The following VPS13A variants were observed in gnomAD, a reference collection of about 807,000 sequenced individuals.
VPS13A encodes the protein intermembrane lipid transfer protein VPS13A.
VPS13A carries 264 observed loss-of-function variants against 390.9 expected under a neutral mutation model. That is an observed-to-expected ratio of 0.68 (90% confidence interval 0.61 to 0.75). The LOEUF (loss-of-function observed/expected upper bound fraction) is 0.75. Among genes scored for constraint, VPS13A ranks in the 30% least tolerant of loss-of-function variants. VPS13A has a pLI of 0.00. For missense variants in VPS13A, 3,409 were observed against 3,733.9 expected (o/e 0.91, Z 2.27); for synonymous variants, 1,231 against 1,227.1 (o/e 1.00, Z -0.07).
intron 1 of VPS13A, among the ~76,000 whole-genome samples, chr9:77,189,355 T>C (rs970637973): frequency 6.6e-6 from 1 of 152,178 alleles, no homozygotes; most frequent in Admixed American, 6.6e-5. Context: ...ACACCATTTA[T>C]TGAATAGGGA....
At chr9:77,285,363 A>G (rs898252955) in intron 31 of VPS13A, among the ~76,000 whole-genome samples, 1 of 152,176 alleles carries the variant, frequency 6.6e-6, no homozygotes, top group African/African-American at 2.4e-5. Flanking sequence ...TCTGTCTTGG[A>G]GCAGCATCCT....
chr9:77,393,073 C>A (rs890666809), intron 68 of VPS13A, among the ~76,000 whole-genome samples: 14 of 152,194 alleles, frequency 9.2e-5, no homozygotes, highest in African/African-American at 3.4e-4. Context: ...CCTCTCAAAC[C>A]CTACTGCTGC....
chr9:77,351,447 G>T lies in VPS13A; in HGVS notation c.7419+1G>T. The T allele has an allele frequency of 1.2e-6, 2 of 1,612,878 alleles. No individual in the cohort carries two copies. Among genetic ancestry groups the T allele is most frequent in the Non-Finnish European group, 1.7e-6 (2 of 1,179,162 alleles). On this transcript the variant is annotated splice_donor_variant, in intron 53 of 71. Transcript: ENST00000360280. LOFTEE classifies it high-confidence loss of function. ...CCATGGTGAAGTAACACAGAAGGAT[G>T]TAAGTATTGGGTTATTATGGTGTTC...
intron 22 of VPS13A, among the ~76,000 whole-genome samples, chr9:77,254,913 C>T (rs780538638): frequency 1.8e-4 from 28 of 152,066 alleles, no homozygotes; most frequent in Non-Finnish European, 2.4e-4. Context: ...TAAGATTTTC[C>T]ACATATAAGA....
chr9:77,180,541 T>G (rs1434095172), intron 1 of VPS13A, among the ~76,000 whole-genome samples: 1 of 152,228 alleles, frequency 6.6e-6, no homozygotes, highest in South Asian at 2.1e-4. Context: ...AAAGATGTTC[T>G]CCTGTGTTTT....
intron 53 of VPS13A, among the ~76,000 whole-genome samples, chr9:77,352,176 C>CATT (rs1831510709): frequency 6.6e-6 from 1 of 152,210 alleles, no homozygotes; most frequent in Non-Finnish European, 1.5e-5. Context: ...TAAGGATCCA[C>CATT]TGAGTGAACT....
At chr9:77,336,177 G>A (rs143484902) in intron 46 of VPS13A, among the ~76,000 whole-genome samples, 1,566 of 152,134 alleles carry the variant, frequency 0.01, 13 homozygotes, top group Non-Finnish European at 0.017. Context: ...CACAGGGAGG[G>A]GAACATCACT....
At chr9:77,380,445 G>A (rs955242623) in intron 67 of VPS13A, among the ~76,000 whole-genome samples, 1 of 151,760 alleles carries the variant, frequency 6.6e-6, no homozygotes, top group Admixed American at 6.6e-5. Flanking sequence ...CCCAAGTACT[G>A]GGACTACATG....
intron 53 of VPS13A, among the ~76,000 whole-genome samples, chr9:77,351,819 A>G (rs926611067): frequency 1.3e-5 from 2 of 152,176 alleles, no homozygotes; most frequent in South Asian, 2.1e-4. Context: ...CAGTGAGCCA[A>G]GATCACGCCA....
intron 33 of VPS13A, among the ~76,000 whole-genome samples, chr9:77,298,247 A>G (rs944470810): frequency 5.9e-5 from 9 of 152,228 alleles, no homozygotes; most frequent in African/African-American, 1.7e-4. Flanking sequence ...GGTGATGCAC[A>G]TAGGTGATGT....
At chr9:77,395,233 G>T (rs183951668) in intron 68 of VPS13A, among the ~76,000 whole-genome samples, 43 of 152,214 alleles carry the variant, frequency 2.8e-4, no homozygotes, top group Admixed American at 5.2e-4. Flanking sequence ...ACACTTAGAG[G>T]TCATTGTAGG....
intron 36 of VPS13A, 50 bp from the exon 37 acceptor site, chr9:77,314,445 C>G (rs368979104): frequency 1.5e-5 from 23 of 1,553,806 alleles, no homozygotes; most frequent in Non-Finnish European, 2.0e-5. Flanking sequence ...ATGAAATACA[C>G]TTTAGACTTG....
At chr9:77,221,040 T>G in intron 12 of VPS13A, 145 bp from the exon 13 acceptor site, 1 of 787,560 alleles carries the variant, frequency 1.3e-6, no homozygotes, top group Admixed American at 2.3e-5. Context: ...GCAAATGGAG[T>G]TGGGTAAAAA....
At chr9:77,198,550 G>A (rs1445286655) in intron 1 of VPS13A, among the ~76,000 whole-genome samples, 2 of 150,870 alleles carry the variant, frequency 1.3e-5, no homozygotes, top group Non-Finnish European at 3.0e-5. Context: ...GGTTATTTTT[G>A]CATGGGCTTA....
intron 22 of VPS13A, among the ~76,000 whole-genome samples, chr9:77,253,933 A>ATTTT (rs1825291159): frequency 1.5e-5 from 1 of 66,536 alleles, no homozygotes; most frequent in African/African-American, 5.7e-5. Flanking sequence ...ACCGGCCTTT[A>ATTTT]TTCTTTTTTT....
chr9:77,311,694 A>G (rs1829087279), intron 35 of VPS13A, among the ~76,000 whole-genome samples: 1 of 152,244 alleles, frequency 6.6e-6, no homozygotes, highest in South Asian at 2.1e-4. Context: ...ATCGGAAAGA[A>G]TATAGAAGAT....
rs1835196458 is a variant in VPS13A, at chr9:77,417,235, G to T, written c.*1229G>T. On this transcript the variant is annotated 3_prime_UTR_variant, in exon 72 of 72. Coordinates refer to ENST00000360280, the MANE Select transcript of VPS13A (RefSeq NM_033305.3). The stretch of plus-strand genomic sequence containing the variant: ...ACAGAGTATTCAATGCATGTTGTAT[G>T]TGCCACCAAGTTACTATTAACTGTT... 6.6e-6 allele frequency: 1 copy of T among 152,148 alleles called. No homozygotes were observed. Among genetic ancestry groups the T allele is most frequent in the Non-Finnish European group, 1.5e-5 (1 of 68,022 alleles). 9.4% of individuals were successfully genotyped at this position (152,148 alleles called of 1,614,324 possible).
chr9:77,238,064 G>T lies in VPS13A; in HGVS notation c.1658G>T (p.Arg553Leu). The part of the protein sequence containing the change: ...TGLPDNSEKP[R>L]LLSSLDDAMS... ...TTACCAGATAATTCAGAAAAACCCC[G>T]CCTCCTGTCTTCATTGGATGATGCA... The change falls in exon 18 of 72, where the codon CGC becomes CTC. Residue 553 changes from arginine to leucine, a missense_variant. By Grantham distance (102) the Arg-to-Leu change is moderately radical. Around this residue, in one of 5 missense-constraint regions of VPS13A, gnomAD observed 2,717 missense variants for 2,917.4 expected, o/e 0.93. Transcript: ENST00000360280. 1 of 1,612,294 alleles carries T rather than the reference G, an allele frequency of 6.2e-7. No individual in the cohort carries two copies. Among genetic ancestry groups the T allele is most frequent in the Middle Eastern group, 1.7e-4 (1 of 6,054 alleles).
At chr9:77,214,447 G>T (rs1822736765) in intron 10 of VPS13A, 61 bp downstream of exon 10, 1 of 1,379,798 alleles carries the variant, frequency 7.2e-7, no homozygotes, top group South Asian at 1.2e-5. Context: ...TTTTAAATTA[G>T]CATTGTTGCT....
Sources: gnomAD v4.1 joint callset for allele counts (sites outside exome capture counted in the v4.1 genomes callset) on GRCh38, gnomAD v4.1.1 for gene constraint, gnomAD v4.1.1 regional missense constraint, MANE v1.5 for transcripts, NCBI Gene and HGNC (gene_info 2026-07-23, HGNC 2026-07-21) for gene names.